The following DHRS13 variants were observed in gnomAD, a reference collection of about 807,000 sequenced individuals.
The protein encoded by DHRS13 is dehydrogenase/reductase SDR family member 13.
Under a neutral mutation model 17.9 loss-of-function variants are expected in DHRS13, and 22 were observed. The observed-to-expected ratio is 1.23, with a 90% CI of 0.88 to 1.75. The LOEUF (loss-of-function observed/expected upper bound fraction) is 1.75, where lower values mean the gene tolerates loss of function less well. Ranked by LOEUF, DHRS13 falls within the 40% of genes most tolerant of loss-of-function variation. The probability of loss-of-function intolerance (pLI) is 0.00; values close to 1 mark genes in which losing one functional copy is unlikely to be tolerated. For synonymous variants in DHRS13, 206 were observed against 220.4 expected (o/e 0.93, Z 0.58); for missense variants, 483 against 519.9 (o/e 0.93, Z 0.69).
intron 4 of DHRS13, 138 bp downstream of exon 4, chr17:28,900,852 T>C (rs951899733): frequency 2.0e-6 from 2 of 988,754 alleles, no homozygotes; most frequent in Non-Finnish European, 2.9e-6. Flanking sequence ...GGTCTCTCCT[T>C]GGACTATGCT....
In DHRS13 at chr17:28,898,806, C is replaced by A. The variant is rs772747014; in HGVS notation, c.769G>T (p.Ala257Ser). The change falls in exon 5 of 5, where the codon GCA becomes TCA. Residue 257 changes from alanine to serine, a missense_variant. By Grantham distance (99) the Ala-to-Ser change is moderately conservative (BLOSUM62 1). Coordinates refer to ENST00000378895, the MANE Select transcript of DHRS13 (RefSeq NM_144683.4). ...GGTGTCTGGGCACCCCCTCTTGGTG[C>A]CCGGAGCACCAGCCAAGCCAATGGG... Reference protein sequence around the residue: ...LRPLAWLVLRAPRGGAQTPLY... With the variant: ...LRPLAWLVLRSPRGGAQTPLY... The A allele has an allele frequency of 5.0e-6, 8 of 1,610,512 alleles. No individual in the cohort carries two copies. The highest frequency in any genetic ancestry group is 6.8e-6 in the Non-Finnish European group (8 of 1,178,660).
rs370018835 is a variant in DHRS13 at position 28,901,306 on chromosome 17, G to A, written c.371-5C>T. On this transcript the variant is annotated splice_region_variant and splice_polypyrimidine_tract_variant and intron_variant, in intron 3 of 4. Coordinates refer to ENST00000378895, the MANE Select transcript of DHRS13 (RefSeq NM_144683.4). The surrounding 1 kb of genome is among the most constrained non-coding windows in gnomAD (Gnocchi z 4.3). ...TCCGGCCACAGGAACTGATACCTGG[G>A]GCAGAGGCTAAATGTGAGCGGCTGC... 3.7e-6 allele frequency: 6 copies of A among 1,602,456 alleles called. No individual in the cohort carries two copies. Among genetic ancestry groups the A allele is most frequent in the Non-Finnish European group, 5.1e-6 (6 of 1,173,024 alleles).
At position 28,901,164 on chromosome 17, in the gene DHRS13, A is replaced by T. The variant is rs1567942417; in HGVS notation, c.508T>A (p.Ser170Thr). ...AGACGTCCCCGACAGTGGGCAGCTGAGGCTACCACCACCACGCGGCTAGGG... is the reference window on the plus strand; with the variant it reads ...AGACGTCCCCGACAGTGGGCAGCTGTGGCTACCACCACCACGCGGCTAGGG... ...CAPSRVVVVA[S>T]AAHCRGRLDF... The change falls in exon 4 of 5, where the codon TCA (serine) becomes ACA (threonine). Residue 170 changes from serine to threonine, a missense_variant. Ser to Thr is a moderately conservative substitution (Grantham distance 58, BLOSUM62 1). Coordinates refer to ENST00000378895, the MANE Select transcript of DHRS13 (RefSeq NM_144683.4). The surrounding 1 kb of genome is among the most constrained non-coding windows in gnomAD (Gnocchi z 4.3). 6.2e-7 allele frequency: 1 copy of T among 1,614,182 alleles called. No individual in the cohort carries two copies. Among genetic ancestry groups the T allele is most frequent in the Non-Finnish European group, 8.5e-7 (1 of 1,180,016 alleles).
chr17:28,902,832 G>T lies in DHRS13; in HGVS notation c.113C>A (p.Thr38Lys), dbSNP rs1246163952. 2 of 1,542,414 alleles carry T rather than the reference G, an allele frequency of 1.3e-6. No homozygotes were observed. The change falls in exon 1 of 5, where the codon ACG (threonine) becomes AAG (lysine). Residue 38 changes from threonine to lysine, a missense_variant. By Grantham distance (78) the Thr-to-Lys change is moderately conservative. Coordinates refer to ENST00000378895, the MANE Select transcript of DHRS13 (RefSeq NM_144683.4). This position sits in a 1 kb window ranked among gnomAD's most constrained non-coding sequence, Gnocchi z 4.0. ...CGGMGNLRGR[T>K]AVVTGANSGI... ...TCCGCACTCACCCGTGACCACGGCC[G>T]TGCGGCCCCGCAGGTTGCCCATGCC...
rs1273290734 is a variant in DHRS13 at position 28,899,811 on chromosome 17, G to A, written c.683-919C>T. On this transcript the variant is annotated intron_variant, in intron 4 of 4. Coordinates refer to ENST00000378895, the MANE Select transcript of DHRS13 (RefSeq NM_144683.4). This position sits in a 1 kb window ranked among gnomAD's most constrained non-coding sequence, Gnocchi z 4.7. The stretch of plus-strand genomic sequence containing the variant: ...GCAACGTCCACCTCTAGGTTCAGGC[G>A]ATTCTCCTGCCTCAGCCTCCTGAAT... Among the ~76,000 whole-genome samples the A allele has an allele frequency of 6.6e-6, 1 of 152,212 alleles. No individual in the cohort carries two copies. Among genetic ancestry groups the A allele is most frequent in the African/African-American group, 2.4e-5 (1 of 41,456 alleles).
rs1179594221 is a variant in DHRS13 at position 28,901,246 on chromosome 17, G to C, written c.426C>G (p.Asn142Lys). 3 of 1,614,146 alleles carry C rather than the reference G, an allele frequency of 1.9e-6. No homozygotes were observed. In the South Asian group the frequency reaches 3.3e-5, roughly 18 times the overall value. The change falls in exon 4 of 5, where the codon AAC becomes AAG. Residue 142 changes from asparagine to lysine, a missense_variant. By Grantham distance (94) the Asn-to-Lys change is moderately conservative. Transcript: ENST00000378895. This position sits in a 1 kb window ranked among gnomAD's most constrained non-coding sequence, Gnocchi z 4.3. ...REAFNLLLRV[N>K]HIGPFLLTHL... ...GTGTCAGCAGAAAGGGACCGATATG[G>C]TTCACCCGAAGCAGCAGGTTAAACG...
Position 28,901,663 on chromosome 17 carries a change from C to T in DHRS13, c.247-47G>A. ...GCTTGTCACCAGGCATCTCTCTCCTCTTCCCTCTCCCCAGGCACCAAATTC... is the reference window on the plus strand; with the variant it reads ...GCTTGTCACCAGGCATCTCTCTCCTTTTCCCTCTCCCCAGGCACCAAATTC... On this transcript the variant is annotated intron_variant, in intron 2 of 4. Coordinates refer to ENST00000378895, the MANE Select transcript of DHRS13 (RefSeq NM_144683.4). The surrounding 1 kb of genome is among the most constrained non-coding windows in gnomAD (Gnocchi z 4.3). 6.2e-7 allele frequency: 1 copy of T among 1,606,448 alleles called. No homozygotes were observed. The highest frequency in any genetic ancestry group is 8.5e-7 in the Non-Finnish European group (1 of 1,174,526).
Position 28,899,012 on chromosome 17 carries a change from G to A in DHRS13, c.683-120C>T. Reference sequence around the variant, plus strand: ...AGCCCAGGAGTTTGAGACCAGACTGGGCAACATAGTCAAGCTCTGTCTCTT... The same window carrying A: ...AGCCCAGGAGTTTGAGACCAGACTGAGCAACATAGTCAAGCTCTGTCTCTT... On this transcript the variant is annotated intron_variant, in intron 4 of 4. Coordinates refer to ENST00000378895, the MANE Select transcript of DHRS13 (RefSeq NM_144683.4). This position sits in a 1 kb window ranked among gnomAD's most constrained non-coding sequence, Gnocchi z 4.7. 2 of 889,100 alleles carry A rather than the reference G, an allele frequency of 2.2e-6. No individual in the cohort carries two copies. The highest frequency in any genetic ancestry group is 1.7e-5 in the African/African-American group (1 of 58,538). 55.1% of individuals were successfully genotyped at this position (889,100 alleles called of 1,614,324 possible).
chr17:28,902,614 C>T lies in DHRS13; in HGVS notation c.215G>A (p.Arg72His). The T allele has an allele frequency of 1.4e-6, 2 of 1,476,054 alleles. No individual in the cohort carries two copies. Among genetic ancestry groups the T allele is most frequent in the African/African-American group, 1.5e-5 (1 of 68,322 alleles). The allele number at this position is 1,476,054 out of a possible 1,614,324, so 91.4% of individuals were successfully genotyped here. A position where few individuals can be genotyped will look rare whatever the true frequency, so the allele number is the denominator to read the frequency against. ...RVVLACRSQERGEAAAFDLRQ... is the reference protein window; with the variant it reads ...RVVLACRSQEHGEAAAFDLRQ... ...GAGGTCGAAGGCAGCCGCCTCCCCG[C>T]GCTCCTGGCTGCGGCAGGCCAGCAC... The change falls in exon 2 of 5, where the codon CGC becomes CAC. Residue 72 changes from arginine (R) to histidine (H), a missense_variant. Transcript: ENST00000378895. The surrounding 1 kb of genome is among the most constrained non-coding windows in gnomAD (Gnocchi z 4.0).
Position 28,898,103 on chromosome 17 carries a change from T to C in DHRS13, c.*338A>G. On this transcript the variant is annotated 3_prime_UTR_variant, in exon 5 of 5. Coordinates refer to ENST00000378895, the MANE Select transcript of DHRS13 (RefSeq NM_144683.4). Reference sequence around the variant, plus strand: ...GGGATCAGTTCACTAATTCTCAATGTTGGCAGTGCATCACATTGCAAACTC... The same window carrying C: ...GGGATCAGTTCACTAATTCTCAATGCTGGCAGTGCATCACATTGCAAACTC... 3.1e-6 allele frequency: 1 copy of C among 320,014 alleles called. No individual in the cohort carries two copies. The highest frequency in any genetic ancestry group is 3.5e-5 in the South Asian group (1 of 28,208). The allele number at this position is 320,014 out of a possible 1,614,324, so 19.8% of individuals were successfully genotyped here.
Position 28,901,254 on chromosome 17 carries a change from G to A in DHRS13, c.418C>T (p.Arg140Trp), listed in dbSNP as rs1472448846. 5.0e-6 allele frequency: 8 copies of A among 1,613,866 alleles called. No homozygotes were observed. Among genetic ancestry groups the A allele is most frequent in the South Asian group, 1.1e-5 (1 of 91,072 alleles). Residue 140 changes from arginine to tryptophan, a missense_variant, in exon 4 of 5, where the codon CGG becomes TGG. Coordinates refer to ENST00000378895, the MANE Select transcript of DHRS13 (RefSeq NM_144683.4). This position sits in a 1 kb window ranked among gnomAD's most constrained non-coding sequence, Gnocchi z 4.3. ...AGAAAGGGACCGATATGGTTCACCC[G>A]AAGCAGCAGGTTAAACGCCTCACGG... ...RTREAFNLLL[R>W]VNHIGPFLLT...
At chr17:28,900,066 A>C (rs549736999) in intron 4 of DHRS13, among the ~76,000 whole-genome samples, 1 of 152,228 alleles carries the variant, frequency 6.6e-6, no homozygotes, top group South Asian at 2.1e-4. Flanking sequence ...GGCGCGCGCC[A>C]CCACACCTGG....
chr17:28,901,189 G>A lies in DHRS13; in HGVS notation c.483C>T (p.Ala161=). Residue 161 remains alanine, a synonymous_variant, in exon 4 of 5, where the codon GCC becomes GCT. Transcript: ENST00000378895. This position sits in a 1 kb window ranked among gnomAD's most constrained non-coding sequence, Gnocchi z 4.3. ...AGGCTACCACCACCACGCGGCTAGG[G>A]GCACATGCCTTCAGGCAAGGCAGCA... ...HLLLPCLKAC[A]PSRVVVVASA... The A allele has an allele frequency of 1.9e-6, 3 of 1,614,206 alleles. No homozygotes were observed. The highest frequency in any genetic ancestry group is 2.5e-6 in the Non-Finnish European group (3 of 1,180,028).
In DHRS13 at chr17:28,902,589, G is replaced by C. The variant is rs1336832168; in HGVS notation, c.240C>G (p.Leu80=). ...CGCCCCCGCTGCCTCTCACCTGGCG[G>C]AGGTCGAAGGCAGCCGCCTCCCCGC... ...QERGEAAAFD[L]RQESGNNEVI... is the part of the protein sequence containing the mutation. Residue 80 remains leucine (L), a synonymous_variant, in exon 2 of 5, where the codon CTC becomes CTG. Transcript: ENST00000378895. This position sits in a 1 kb window ranked among gnomAD's most constrained non-coding sequence, Gnocchi z 4.0. The C allele has an allele frequency of 2.0e-6, 3 of 1,480,248 alleles. No individual in the cohort carries two copies. The Admixed American group carries it at 7.1e-5, about 35-fold the overall frequency. 91.7% of individuals were successfully genotyped at this position (1,480,248 alleles called of 1,614,324 possible).
chr17:28,900,683 C>T (rs1010280439), intron 4 of DHRS13, among the ~76,000 whole-genome samples: 5 of 152,162 alleles, frequency 3.3e-5, no homozygotes, highest in African/African-American at 4.8e-5. Flanking sequence ...TAGCTATCAT[C>T]ATCATCATTA....
In DHRS13 at chr17:28,898,201, A is replaced by C. The variant is rs1158681259; in HGVS notation, c.*240T>G. 9 of 525,392 alleles carry C rather than the reference A, an allele frequency of 1.7e-5. No individual in the cohort carries two copies. The highest frequency in any genetic ancestry group is 3.8e-5 in the Admixed American group (1 of 26,004). The allele number at this position is 525,392 out of a possible 1,614,324, so 32.5% of individuals were successfully genotyped here. A position where few individuals can be genotyped will look rare whatever the true frequency, so the allele number is the denominator to read the frequency against. On this transcript the variant is annotated 3_prime_UTR_variant, in exon 5 of 5. Coordinates refer to ENST00000378895, the MANE Select transcript of DHRS13 (RefSeq NM_144683.4). ...AAAATACTACATCCAAATTTCCGAG[A>C]AGCACAGTGTCTAGCATACCCCTAT...
At position 28,897,986 on chromosome 17, in the gene DHRS13, T is replaced by C. The variant is rs2039773033; in HGVS notation, c.*455A>G. On this transcript the variant is annotated 3_prime_UTR_variant, in exon 5 of 5. Transcript: ENST00000378895. This position sits in a 1 kb window ranked among gnomAD's most constrained non-coding sequence, Gnocchi z 4.4. ...GATCCCAGGCCCTCCTCCTACTCAC[T>C]GTGAGACCCTAGGCGAGTCCCTTAG... The C allele has an allele frequency of 4.7e-6, 1 of 211,700 alleles. No individual in the cohort carries two copies. The highest frequency in any genetic ancestry group is 2.4e-5 in the African/African-American group (1 of 42,534). 13.1% of individuals were successfully genotyped at this position (211,700 alleles called of 1,614,324 possible). A position where few individuals can be genotyped will look rare whatever the true frequency, so the allele number is the denominator to read the frequency against.
chr17:28,899,074 G>A lies in DHRS13; in HGVS notation c.683-182C>T. ...ACAACAACAAAAAAAATAGAACAGAGCTAGAAGAACAGGGACAGAATCTGG... is the reference window on the plus strand; with the variant it reads ...ACAACAACAAAAAAAATAGAACAGAACTAGAAGAACAGGGACAGAATCTGG... On this transcript the variant is annotated intron_variant, in intron 4 of 4. Coordinates refer to ENST00000378895, the MANE Select transcript of DHRS13 (RefSeq NM_144683.4). The surrounding 1 kb of genome is among the most constrained non-coding windows in gnomAD (Gnocchi z 4.7). The A allele has an allele frequency of 3.5e-6, 2 of 578,766 alleles. No individual in the cohort carries two copies. The highest frequency in any genetic ancestry group is 2.5e-5 in the South Asian group (1 of 40,160). The allele number at this position is 578,766 out of a possible 1,614,324, so 35.9% of individuals were successfully genotyped here.
In DHRS13 at chr17:28,901,263, G is replaced by C. The variant is rs2039802950; in HGVS notation, c.409C>G (p.Leu137Val). The C allele has an allele frequency of 6.2e-7, 1 of 1,613,654 alleles. No individual in the cohort carries two copies. The highest frequency in any genetic ancestry group is 1.3e-5 in the African/African-American group (1 of 75,050). The part of the protein sequence containing the change: ...SCGRTREAFN[L>V]LLRVNHIGPF... ...CCGATATGGTTCACCCGAAGCAGCA[G>C]GTTAAACGCCTCACGGGTCCGGCCA... The change falls in exon 4 of 5, where the codon CTG (leucine) becomes GTG (valine). Residue 137 changes from leucine to valine, a missense_variant. Transcript: ENST00000378895. The surrounding 1 kb of genome is among the most constrained non-coding windows in gnomAD (Gnocchi z 4.3).
Sources: gnomAD v4.1 joint callset for allele counts (sites outside exome capture counted in the v4.1 genomes callset) on GRCh38, gnomAD v4.1.1 for gene constraint, Gnocchi (gnomAD v3.1) non-coding constraint, MANE v1.5 for transcripts, NCBI Gene and HGNC (gene_info 2026-07-23, HGNC 2026-07-21) for gene names.